Variants in CFAP54 observed in about 807,000 individuals in gnomAD.
CFAP54 encodes the protein cilia and flagella associated protein 54.
In CFAP54, 290 loss-of-function variants were observed where a neutral mutation model predicts 370.4. That is an observed-to-expected ratio of 0.78 (90% CI 0.71 to 0.86). The LOEUF (loss-of-function observed/expected upper bound fraction) is 0.86, where lower values mean the gene tolerates loss of function less well. CFAP54 is among the 40% of genes least tolerant of loss of function. The probability of loss-of-function intolerance (pLI) is 0.00; values close to 1 mark genes in which losing one functional copy is unlikely to be tolerated. For synonymous variants in CFAP54, 1,206 were observed against 1,236.5 expected, an observed-to-expected ratio of 0.98 and a Z score of 0.52; for missense variants, 3,399 against 3,528.7, an observed-to-expected ratio of 0.96 and a Z score of 0.93.
intron 60 of CFAP54, among the ~76,000 whole-genome samples, chr12:96,772,889 C>T (rs561521229): frequency 3.4e-4 from 52 of 152,240 alleles, no homozygotes; most frequent in Admixed American, 9.2e-4. Context: ...GGATTACAGG[C>T]GTGAGCCACC....
At chr12:96,648,484 C>T (rs944416198) in intron 34 of CFAP54, among the ~76,000 whole-genome samples, 2 of 151,338 alleles carry the variant, frequency 1.3e-5, no homozygotes, top group Non-Finnish European at 2.9e-5. Context: ...CAACCAGCAT[C>T]TTCCAAGAAA....
intron 26 of CFAP54, among the ~76,000 whole-genome samples, chr12:96,609,724 T>A (rs914646773): frequency 6.6e-6 from 1 of 152,194 alleles, no homozygotes; most frequent in Non-Finnish European, 1.5e-5. Context: ...AGTGATTCTA[T>A]GTAATACACT....
At chr12:96,623,388 GA>G (rs957133588) in intron 27 of CFAP54, among the ~76,000 whole-genome samples, 4 of 152,022 alleles carry the variant, frequency 2.6e-5, no homozygotes, top group African/African-American at 7.2e-5. Flanking sequence ...AAAAGAAAGG[GA>G]AAAAAGAATA....
At chr12:96,606,126 C>A (rs904057270) in intron 26 of CFAP54, among the ~76,000 whole-genome samples, 1 of 152,018 alleles carries the variant, frequency 6.6e-6, no homozygotes, top group Non-Finnish European at 1.5e-5. Context: ...AAAAGAAAAG[C>A]ATTTAAAGGA....
chr12:96,644,062 A>T (rs11108609), intron 32 of CFAP54, 116 bp from the exon 33 acceptor site: 207,687 of 692,244 alleles, frequency 0.3, 33,989 homozygotes, highest in East Asian at 0.52. Context: ...CAGAAACATT[A>T]GCATAAGGGC....
At chr12:96,548,911 G>A (rs1443611259) in intron 15 of CFAP54, among the ~76,000 whole-genome samples, 1 of 151,082 alleles carries the variant, frequency 6.6e-6, no homozygotes, top group African/African-American at 2.4e-5. Context: ...CTGGAGTGCA[G>A]TGGCGCACTC....
intron 66 of CFAP54, among the ~76,000 whole-genome samples, chr12:96,859,288 A>G (rs1236093569): frequency 1.4e-4 from 21 of 152,240 alleles, no homozygotes; most frequent in Non-Finnish European, 1.5e-5. Flanking sequence ...ATGCATGTGG[A>G]AATTAAAGTT....
At chr12:96,833,418 A>G (rs1269955821) in intron 66 of CFAP54, among the ~76,000 whole-genome samples, 1 of 152,164 alleles carries the variant, frequency 6.6e-6, no homozygotes, top group Non-Finnish European at 1.5e-5. Flanking sequence ...GGCAGTGTAG[A>G]TTAAAGTTCC....
At position 96,503,925 on chromosome 12, in the gene CFAP54, C is replaced by CTT; in HGVS notation, c.464_465dup (p.Gln156PhefsTer15). 1 of 1,521,152 alleles carries CTT rather than the reference C, an allele frequency of 6.6e-7. No homozygotes were observed. Among genetic ancestry groups the CTT allele is most frequent in the Non-Finnish European group, 8.8e-7 (1 of 1,141,248 alleles). 94.2% of individuals were successfully genotyped at this position (1,521,152 alleles called of 1,614,324 possible). A position where few individuals can be genotyped will look rare whatever the true frequency, so the allele number is the denominator to read the frequency against. On this transcript the variant is annotated frameshift_variant, in exon 3 of 68. Coordinates refer to ENST00000524981, the MANE Select transcript of CFAP54 (RefSeq NM_001306084.2). LOFTEE classifies it high-confidence loss of function. ...CCTTTTACAATGCTATGGAAGATAT[C>CTT]TTCAGCAGTTCAATACCAATTTTGA...
Position 96,691,144 on chromosome 12 carries a change from C to T in CFAP54, c.6098C>T (p.Thr2033Ile), listed in dbSNP as rs777791491. The T allele has an allele frequency of 1.9e-6, 3 of 1,613,248 alleles. No individual in the cohort carries two copies. In the South Asian group the frequency reaches 3.3e-5, roughly 18 times the overall value. The change falls in exon 44 of 68, where the codon ACA (threonine) becomes ATA (isoleucine). Residue 2033 changes from threonine (T) to isoleucine (I), a missense_variant. Physicochemically the swap from Thr to Ile is moderately conservative, Grantham distance 89. Around this residue, in one of 3 missense-constraint regions of CFAP54, gnomAD observed 2,796 missense variants for 2,869.7 expected, o/e 0.97. Coordinates refer to ENST00000524981, the MANE Select transcript of CFAP54 (RefSeq NM_001306084.2). ...ALLFQGLLRT[T>I]LPHPKAERCY... ...CATTTTCAGGGTTTGCTTAGAACAA[C>T]ACTTCCACATCCCAAAGCTGAACGT...
intron 5 of CFAP54, among the ~76,000 whole-genome samples, chr12:96,516,567 C>T (rs1410711688): frequency 3.3e-5 from 5 of 152,110 alleles, no homozygotes; most frequent in African/African-American, 1.2e-4. Flanking sequence ...AGAGGGCGGT[C>T]GGACTTCTGA....
At chr12:96,756,622 T>C in intron 57 of CFAP54, 59 bp downstream of exon 57, 2 of 1,147,034 alleles carry the variant, frequency 1.7e-6, no homozygotes, top group Non-Finnish European at 2.6e-6. Context: ...CGTGTTCTTG[T>C]AGTACATTGA....
intron 39 of CFAP54, among the ~76,000 whole-genome samples, chr12:96,665,401 A>G (rs1175934700): frequency 2.6e-5 from 4 of 152,120 alleles, no homozygotes; most frequent in Non-Finnish European, 5.9e-5. Flanking sequence ...GCCTGTGCCT[A>G]TGTCCTGAAT....
chr12:96,591,615 C>T (rs577333655), intron 23 of CFAP54, among the ~76,000 whole-genome samples: 181 of 151,674 alleles, frequency 1.2e-3, no homozygotes, highest in African/African-American at 1.8e-3. Flanking sequence ...TTTGGCCGGG[C>T]GCGGTGGCTC....
intron 63 of CFAP54, among the ~76,000 whole-genome samples, chr12:96,800,280 G>A (rs528324403): frequency 5.3e-5 from 8 of 152,224 alleles, no homozygotes; most frequent in African/African-American, 1.9e-4. Flanking sequence ...GTGTAACAAG[G>A]TTTTATCCAT....
chr12:96,799,852 A>G (rs78858067), intron 63 of CFAP54, among the ~76,000 whole-genome samples: 6,419 of 152,298 alleles, frequency 0.042, 245 homozygotes, highest in South Asian at 0.19. Flanking sequence ...TTTTAAAAAG[A>G]AATGAAACAC....
At chr12:96,517,296 T>C (rs1028213533) in intron 5 of CFAP54, among the ~76,000 whole-genome samples, 1 of 152,188 alleles carries the variant, frequency 6.6e-6, no homozygotes, top group Non-Finnish European at 1.5e-5. Context: ...AGAGTGAGTT[T>C]AGCCTCATGG....
chr12:96,519,129 G>GGCTTTGTT, intron 6 of CFAP54, 58 bp downstream of exon 6: 1 of 1,471,636 alleles, frequency 6.8e-7, no homozygotes, highest in Non-Finnish European at 9.0e-7. Context: ...GATGGAATCT[G>GGCTTTGTT]GCTTTGTTGC....
chr12:96,825,685 T>C, intron 65 of CFAP54, among the ~76,000 whole-genome samples: 1 of 123,364 alleles, frequency 8.1e-6, no homozygotes, highest in Non-Finnish European at 1.6e-5. Flanking sequence ...ATATATAACA[T>C]ATCACGATAT....
Sources: allele counts gnomAD v4.1 joint callset (sites outside exome capture counted in the v4.1 genomes callset), GRCh38; gene constraint gnomAD v4.1.1; regional missense constraint gnomAD v4.1.1; transcripts MANE v1.5; gene names NCBI Gene and HGNC (gene_info 2026-07-23, HGNC 2026-07-21).